UPRT: variants seen among roughly 807,000 people sequenced by gnomAD.
UPRT encodes uracil phosphoribosyltransferase homolog.
Under a neutral mutation model 22.6 loss-of-function variants are expected in UPRT, and 5 were observed. That is an observed-to-expected ratio of 0.22 (90% CI 0.12 to 0.47). The LOEUF (loss-of-function observed/expected upper bound fraction) is 0.47, where lower values mean the gene tolerates loss of function less well. Among genes scored for constraint, UPRT ranks in the 20% least tolerant of loss-of-function variants. UPRT has a pLI of 0.99. For missense variants in UPRT, 181 were observed against 239.9 expected (o/e 0.75, Z 1.62); for synonymous variants, 77 against 87.7 (o/e 0.88, Z 0.68).
At chrX:75,259,421 C>T (rs1421154353) in intron 4 of UPRT, among the ~76,000 whole-genome samples, 2 of 108,328 alleles carry the variant, frequency 1.8e-5, no homozygotes, top group East Asian at 3.0e-4. Flanking sequence ...CAGAAATGAC[C>T]GGATGGAGCT....
chrX:75,227,372 T>A (rs1274997290), intron 4 of UPRT, among the ~76,000 whole-genome samples: 1 of 111,640 alleles, frequency 9.0e-6, no homozygotes, highest in African/African-American at 3.3e-5. Flanking sequence ...GCCCCAGTTA[T>A]TACTTTGGTC....
chrX:75,270,136 C>T (rs1392387069), upstream of UPRT, among the ~76,000 whole-genome samples: 1 of 111,827 alleles, frequency 8.9e-6, no homozygotes, highest in Non-Finnish European at 1.9e-5. Flanking sequence ...TTTATGCAGC[C>T]AACGAACATA....
chrX:75,199,625 T>C (rs995627221), intron 4 of UPRT, among the ~76,000 whole-genome samples: 1 of 111,416 alleles, frequency 9.0e-6, no homozygotes, highest in Non-Finnish European at 1.9e-5. Context: ...AGACTCCTTC[T>C]GGTTGAGAAA....
intron 1 of UPRT, among the ~76,000 whole-genome samples, chrX:75,288,761 C>G (rs757073826): frequency 4.5e-5 from 5 of 111,551 alleles, no homozygotes; most frequent in Non-Finnish European, 7.5e-5. Flanking sequence ...GGAAGCATTT[C>G]CCTTGAAAAC....
intron 3 of UPRT, among the ~76,000 whole-genome samples, chrX:75,296,845 T>C (rs1199220053): frequency 8.9e-6 from 1 of 111,999 alleles, no homozygotes; most frequent in Non-Finnish European, 1.9e-5. Flanking sequence ...GGTGCTTTGT[T>C]CTATCCTTTA....
chrX:75,251,463 T>C (rs1202307370), intron 4 of UPRT, among the ~76,000 whole-genome samples: 11 of 111,228 alleles, frequency 9.9e-5, no homozygotes, highest in Non-Finnish European at 1.9e-4. Context: ...CCATTCACAA[T>C]TGCTTCAAAG....
chrX:75,191,584 G>T (rs1184010834), intron 4 of UPRT, among the ~76,000 whole-genome samples: 3 of 111,915 alleles, frequency 2.7e-5, no homozygotes, highest in Non-Finnish European at 5.6e-5. Flanking sequence ...AGGCAGGCAG[G>T]CCTCCTTGAG....
intron 4 of UPRT, among the ~76,000 whole-genome samples, chrX:75,233,156 C>T (rs1275230217): frequency 3.6e-5 from 4 of 110,767 alleles, no homozygotes; most frequent in South Asian, 3.9e-4. Flanking sequence ...CCCCAGGAGC[C>T]GATGCGATCA....
chrX:75,270,630 A>G (rs1270384429), upstream of UPRT, among the ~76,000 whole-genome samples: 1 of 111,798 alleles, frequency 8.9e-6, no homozygotes, highest in Admixed American at 9.6e-5. Context: ...GCTGGGAACC[A>G]TCATTCTCAG....
intron 4 of UPRT, among the ~76,000 whole-genome samples, chrX:75,236,844 C>G (rs998258970): frequency 9.8e-5 from 11 of 112,139 alleles, no homozygotes; most frequent in Non-Finnish European, 1.5e-4. Context: ...ACCATAGAAA[C>G]CCTAGAAGAA....
chrX:75,218,021 G>A (rs1254170939), intron 4 of UPRT, among the ~76,000 whole-genome samples: 3 of 111,640 alleles, frequency 2.7e-5, no homozygotes, highest in African/African-American at 3.3e-5. Flanking sequence ...GGCAACAAAA[G>A]CCAAAATTGA....
chrX:75,282,098 G>T (rs1014773476), intron 1 of UPRT, among the ~76,000 whole-genome samples: 2 of 110,971 alleles, frequency 1.8e-5, no homozygotes, highest in Non-Finnish European at 3.8e-5. Context: ...TATTTCTCTG[G>T]TGTCAGTTGT....
At chrX:75,225,536 A>T (rs1361765781) in intron 4 of UPRT, among the ~76,000 whole-genome samples, 1 of 111,578 alleles carries the variant, frequency 9.0e-6, no homozygotes, top group Non-Finnish European at 1.9e-5. Flanking sequence ...TGGCTGCTGT[A>T]GCCTGGAGTG....
intron 4 of UPRT, among the ~76,000 whole-genome samples, chrX:75,262,315 G>A (rs1039296579): frequency 1.8e-5 from 2 of 111,585 alleles, no homozygotes; most frequent in African/African-American, 6.5e-5. Context: ...ACCAGTGCCA[G>A]CCACTGCAGC....
upstream of UPRT, among the ~76,000 whole-genome samples, chrX:75,272,485 G>A (rs2082614522): frequency 9.3e-6 from 1 of 107,081 alleles, no homozygotes; most frequent in South Asian, 4.1e-4. Context: ...CTCAGGAATG[G>A]AAAACCAAAC....
chrX:75,234,650 C>G (rs2082453469), intron 4 of UPRT, among the ~76,000 whole-genome samples: 1 of 111,278 alleles, frequency 9.0e-6, no homozygotes, highest in African/African-American at 3.3e-5. Flanking sequence ...AACCACTCAA[C>G]TACATGGAAA....
chrX:75,276,303 GA>G (rs2082631558), intron 1 of UPRT, among the ~76,000 whole-genome samples: 1 of 111,819 alleles, frequency 8.9e-6, no homozygotes, highest in Admixed American at 9.6e-5. Context: ...CTTGAAGGCA[GA>G]AATCTTTTAC....
chrX:75,297,371 T>C, intron 3 of UPRT, 120 bp from the exon 4 acceptor site: 1 of 605,402 alleles, frequency 1.7e-6, no homozygotes, highest in South Asian at 2.9e-5. Flanking sequence ...TCAGGCATTA[T>C]ACAGTGTGTC....
intron 4 of UPRT, among the ~76,000 whole-genome samples, chrX:75,212,295 C>G (rs1388582300): frequency 1.8e-5 from 2 of 112,120 alleles, no homozygotes; most frequent in African/African-American, 6.5e-5. Context: ...TAAAACACTC[C>G]TCAGCTAATG....
Sources: gnomAD v4.1 joint callset for allele counts (sites outside exome capture counted in the v4.1 genomes callset) on GRCh38, gnomAD v4.1.1 for gene constraint, MANE v1.5 for transcripts, NCBI Gene and HGNC (gene_info 2026-07-23, HGNC 2026-07-21) for gene names.